Variants in FLVCR1 observed in about 807,000 individuals in gnomAD.
The protein encoded by FLVCR1 is choline/ethanolamine transporter FLVCR1.
A neutral mutation model predicts 53.6 loss-of-function variants in FLVCR1; 34 were observed. That is an observed-to-expected ratio of 0.63 (90% confidence interval 0.48 to 0.84). The LOEUF is 0.84. FLVCR1 is among the 40% of genes least tolerant of loss of function. FLVCR1 has a pLI of 0.00. For synonymous variants in FLVCR1, 300 were observed against 286.3 expected (o/e 1.05, Z -0.48); for missense variants, 677 against 696.7 (o/e 0.97, Z 0.32).
intron 1 of FLVCR1, among the ~76,000 whole-genome samples, chr1:212,860,350 G>GTTGTTTTTTTTTTTTTTTT (rs1664186025): frequency 1.2e-5 from 1 of 85,824 alleles, no homozygotes; most frequent in Non-Finnish European, 2.4e-5. Context: ...TGTGTGTGTG[G>GTTGTTTTTTTTTTTTTTTT]TTTTTTTTTT....
At chr1:212,877,048 A>G (rs1480500708) in intron 3 of FLVCR1, among the ~76,000 whole-genome samples, 1 of 150,624 alleles carries the variant, frequency 6.6e-6, no homozygotes, top group Non-Finnish European at 1.5e-5. Flanking sequence ...ATGAAATGGT[A>G]TCTCATTGTG....
chr1:212,872,003 C>G (rs796382617), intron 2 of FLVCR1, among the ~76,000 whole-genome samples: 1 of 152,202 alleles, frequency 6.6e-6, no homozygotes, highest in South Asian at 2.1e-4. Context: ...GCAGTTGGAT[C>G]AGATGATAAA....
intron 8 of FLVCR1, among the ~76,000 whole-genome samples, chr1:212,889,683 A>G (rs1450328513): frequency 3.3e-5 from 5 of 149,554 alleles, no homozygotes; most frequent in Non-Finnish European, 7.4e-5. Context: ...GCTTGAACCC[A>G]GGAGACAGAG....
At chr1:212,894,454 T>G (rs1490469298) in intron 8 of FLVCR1, among the ~76,000 whole-genome samples, 1 of 152,148 alleles carries the variant, frequency 6.6e-6, no homozygotes, top group Non-Finnish European at 1.5e-5. Flanking sequence ...CGCCCAGCAA[T>G]ATTCACTCTT....
chr1:212,891,428 A>G lies in FLVCR1; in HGVS notation c.1525+2171A>G, dbSNP rs57638446. The stretch of plus-strand genomic sequence containing the variant: ...CACCACCACTCCAGCCTGGGTGACA[A>G]AGTGAGACTCCGTCTCAAAAAAAAA... On this transcript the variant is annotated intron_variant, in intron 8 of 9. Transcript: ENST00000366971. Among the ~76,000 whole-genome samples, 677 of 139,820 alleles carry G rather than the reference A, an allele frequency of 4.8e-3. 2 individuals carry two copies. Among genetic ancestry groups the G allele is most frequent in the African/African-American group, 0.016 (648 of 39,960 alleles). 91.7% of individuals were successfully genotyped at this position (139,820 alleles called of 152,430 possible).
At position 212,891,397 on chromosome 1, in the gene FLVCR1, A is replaced by G. The variant is rs577773661; in HGVS notation, c.1525+2140A>G. ...AGGCGGAGGTTGCAGTGAGTGGTGA[A>G]GATCACACCACCACTCCAGCCTGGG... On this transcript the variant is annotated intron_variant, in intron 8 of 9. Coordinates refer to ENST00000366971, the MANE Select transcript of FLVCR1 (RefSeq NM_014053.4). Among the ~76,000 whole-genome samples, 87 of 152,186 alleles carry G rather than the reference A, an allele frequency of 5.7e-4. No homozygotes were observed. In the Middle Eastern group the frequency reaches 0.014, roughly 24 times the overall value.
chr1:212,893,458 A>G (rs1220554627), intron 8 of FLVCR1, among the ~76,000 whole-genome samples: 1 of 152,204 alleles, frequency 6.6e-6, no homozygotes, highest in Non-Finnish European at 1.5e-5. Flanking sequence ...TTAGAATATT[A>G]TATAAACTTA....
At chr1:212,894,121 TA>T (rs1187495368) in intron 8 of FLVCR1, among the ~76,000 whole-genome samples, 2 of 151,472 alleles carry the variant, frequency 1.3e-5, no homozygotes, top group Non-Finnish European at 2.9e-5. Flanking sequence ...TTTTTTTTTT[TA>T]GACATAATGC....
intron 3 of FLVCR1, among the ~76,000 whole-genome samples, chr1:212,875,398 A>G (rs1664725079): frequency 6.6e-6 from 1 of 152,196 alleles, no homozygotes; most frequent in Admixed American, 6.5e-5. Flanking sequence ...GTCTCACAGA[A>G]GGGAGTGGTT....
At chr1:212,868,508 G>T (rs1664508661) in intron 2 of FLVCR1, among the ~76,000 whole-genome samples, 1 of 152,188 alleles carries the variant, frequency 6.6e-6, no homozygotes. Flanking sequence ...CTGCCTCCCG[G>T]ATTCAAGCCA....
At position 212,897,614 on chromosome 1, in the gene FLVCR1, C is replaced by T. The variant is rs1665376337; in HGVS notation, c.*2324C>T. The T allele has an allele frequency of 1.3e-5, 2 of 152,224 alleles. No homozygotes were observed. Among genetic ancestry groups the T allele is most frequent in the South Asian group, 4.1e-4 (2 of 4,828 alleles). The allele number at this position is 152,224 out of a possible 1,614,324, so 9.4% of individuals were successfully genotyped here. A position where few individuals can be genotyped will look rare whatever the true frequency, so the allele number is the denominator to read the frequency against. On this transcript the variant is annotated 3_prime_UTR_variant, in exon 10 of 10. Transcript: ENST00000366971. ...AGTTCTGCAGGCTGTGTAAGCATGG[C>T]ACCAGTGTCTGCTCGGCTTCTGGGG...
intron 3 of FLVCR1, among the ~76,000 whole-genome samples, chr1:212,879,645 T>C (rs1245268493): frequency 1.3e-5 from 2 of 152,128 alleles, no homozygotes; most frequent in Non-Finnish European, 2.9e-5. Flanking sequence ...AGCCTTCACC[T>C]CCTGGGTTCA....
chr1:212,865,485 A>ATGTTTTTTTTT (rs1664386055), intron 2 of FLVCR1, among the ~76,000 whole-genome samples: 1 of 133,656 alleles, frequency 7.5e-6, no homozygotes, highest in Non-Finnish European at 1.5e-5. Flanking sequence ...TGCAATAGGG[A>ATGTTTTTTTTT]TTTTTTTTTT....
intron 1 of FLVCR1, among the ~76,000 whole-genome samples, chr1:212,863,179 A>G (rs902594507): frequency 6.6e-6 from 1 of 152,206 alleles, no homozygotes; most frequent in Non-Finnish European, 1.5e-5. Context: ...TGTATATTAC[A>G]CAGCTTTATA....
At chr1:212,879,151 T>C (rs755705999) in intron 3 of FLVCR1, among the ~76,000 whole-genome samples, 5 of 152,208 alleles carry the variant, frequency 3.3e-5, no homozygotes, top group Non-Finnish European at 7.3e-5. Context: ...TAGATTTGGA[T>C]TGATTTTTTA....
At chr1:212,868,652 G>A (rs961885229) in intron 2 of FLVCR1, among the ~76,000 whole-genome samples, 2 of 152,054 alleles carry the variant, frequency 1.3e-5, no homozygotes, top group Admixed American at 6.6e-5. Context: ...CAGGTGATCC[G>A]CTTGTCTCGG....
At chr1:212,884,348 A>G (rs1665003823) in intron 4 of FLVCR1, among the ~76,000 whole-genome samples, 1 of 152,138 alleles carries the variant, frequency 6.6e-6, no homozygotes, top group Non-Finnish European at 1.5e-5. Context: ...ATCCCAGCCA[A>G]GATAGCGCCA....
intron 8 of FLVCR1, among the ~76,000 whole-genome samples, chr1:212,893,118 T>C (rs6674786): frequency 0.62 from 91,346 of 148,232 alleles, 30,151 homozygotes; most frequent in East Asian, 0.92. Context: ...TGCAGTGGCG[T>C]GATCTCGGCT....
chr1:212,878,328 CT>C (rs1426325945), intron 3 of FLVCR1, among the ~76,000 whole-genome samples: 2 of 151,968 alleles, frequency 1.3e-5, no homozygotes, highest in African/African-American at 4.8e-5. Context: ...TGGTGAAACC[CT>C]GTCTCTTCTA....
Sources: allele counts gnomAD v4.1 joint callset (sites outside exome capture counted in the v4.1 genomes callset), GRCh38; gene constraint gnomAD v4.1.1; transcripts MANE v1.5; gene names NCBI Gene and HGNC (gene_info 2026-07-23, HGNC 2026-07-21).